Variants in FBF1 observed in about 807,000 individuals in gnomAD.
FBF1 encodes fas-binding factor 1.
Under a neutral mutation model 147.2 loss-of-function variants are expected in FBF1, and 119 were observed. The ratio of observed to expected loss-of-function variants is 0.81; its 90% CI spans 0.70 to 0.94. The LOEUF is 0.94. Ranked by LOEUF, FBF1 falls within the 40% of genes least tolerant of loss-of-function variation. The pLI, the probability that FBF1 is intolerant of heterozygous loss-of-function variation, is 0.00. For synonymous variants in FBF1, 601 were observed against 609.0 expected (o/e 0.99, Z 0.19); for missense variants, 1,449 against 1,500.8 (o/e 0.97, Z 0.57).
In FBF1 at chr17:75,940,155, G is replaced by A. The variant is rs549604162; in HGVS notation, c.-84+693C>T. Among the ~76,000 whole-genome samples the A allele has an allele frequency of 5.3e-5, 8 of 151,562 alleles. No homozygotes were observed. The South Asian group carries it at 1.7e-3, about 32-fold the overall frequency. On this transcript the variant is annotated intron_variant, in intron 1 of 29. Coordinates refer to ENST00000636174, the MANE Select transcript of FBF1 (RefSeq NM_001319193.2). Reference sequence around the variant, plus strand: ...GAGACGGGGTTTCACTGTTGGCCAGGAGGTCTCGAACTCCTGACCTCGTGA... The same window carrying A: ...GAGACGGGGTTTCACTGTTGGCCAGAAGGTCTCGAACTCCTGACCTCGTGA...
At chr17:75,929,964 C>CCCCCCCCCCAAAAAAA in intron 7 of FBF1, 33 bp downstream of exon 7, 2 of 1,402,198 alleles carry the variant, frequency 1.4e-6, no homozygotes, top group Non-Finnish European at 2.0e-6. Flanking sequence ...CACCCACCCC[C>CCCCCCCCCCAAAAAAA]AGTTCTAAGA....
In FBF1 at chr17:75,911,631, A is replaced by T. The variant is rs570223344; in HGVS notation, c.3363+561T>A. On this transcript the variant is annotated intron_variant, in intron 29 of 29. Transcript: ENST00000636174. The stretch of plus-strand genomic sequence containing the variant: ...CCTCCCGGGCTTAAGTGATCCTCTT[A>T]CCTCAGCCTCCGGAGTAGCTGGGAG... Among the ~76,000 whole-genome samples, 16 of 152,128 alleles carry T rather than the reference A, an allele frequency of 1.1e-4. No homozygotes were observed. In the South Asian group the frequency reaches 2.9e-3, roughly 28 times the overall value.
Position 75,910,506 on chromosome 17 carries a change from T to G in FBF1, c.*217A>C. On this transcript the variant is annotated 3_prime_UTR_variant, in exon 30 of 30. Coordinates refer to ENST00000636174, the MANE Select transcript of FBF1 (RefSeq NM_001319193.2). This position sits in a 1 kb window ranked among gnomAD's most constrained non-coding sequence, Gnocchi z 4.1. ...CTTTGGGGCAGGGCAGCCAAAGCCA[T>G]GGTAAGATAGCCTACACCACAGAGC... 3 of 537,294 alleles carry G rather than the reference T, an allele frequency of 5.6e-6. No individual in the cohort carries two copies. The highest frequency in any genetic ancestry group is 3.2e-5 in the East Asian group (1 of 31,190). 33.3% of individuals were successfully genotyped at this position (537,294 alleles called of 1,614,324 possible).
chr17:75,934,657 T>C (rs1290026337), intron 4 of FBF1, among the ~76,000 whole-genome samples: 1 of 151,454 alleles, frequency 6.6e-6, no homozygotes, highest in Non-Finnish European at 1.5e-5. Flanking sequence ...GATGGGTGGA[T>C]CACCTGAGGT....
chr17:75,910,275 G>C lies in FBF1; in HGVS notation c.*448C>G, dbSNP rs1599478234. ...GGCCCTTCTCCAGCTCATCAGGGAG[G>C]GAACTGCTCTGGCAGGGAGTAGGGA... On this transcript the variant is annotated 3_prime_UTR_variant, in exon 30 of 30. Coordinates refer to ENST00000636174, the MANE Select transcript of FBF1 (RefSeq NM_001319193.2). The surrounding 1 kb of genome is among the most constrained non-coding windows in gnomAD (Gnocchi z 4.1). The C allele has an allele frequency of 2.9e-6, 1 of 344,960 alleles. No homozygotes were observed. Among genetic ancestry groups the C allele is most frequent in the East Asian group, 7.3e-5 (1 of 13,754 alleles). 21.4% of individuals were successfully genotyped at this position (344,960 alleles called of 1,614,324 possible).
rs546113941 is a variant in FBF1 at position 75,918,386 on chromosome 17, G to A, written c.2139-117C>T. On this transcript the variant is annotated intron_variant, in intron 20 of 29. Coordinates refer to ENST00000636174, the MANE Select transcript of FBF1 (RefSeq NM_001319193.2). The surrounding 1 kb of genome is among the most constrained non-coding windows in gnomAD (Gnocchi z 5.8). The stretch of plus-strand genomic sequence containing the variant: ...CTTGCTCCCAGGCCTCTCCTCCGCC[G>A]GGCACTGCCTCAGTTTCCCCAGCTC... The A allele has an allele frequency of 1.2e-4, 92 of 763,662 alleles. No homozygotes were observed. In the East Asian group the frequency reaches 1.9e-3, roughly 15 times the overall value. 47.3% of individuals were successfully genotyped at this position (763,662 alleles called of 1,614,324 possible).
rs1231286886 is a variant in FBF1, at chr17:75,930,024, G to T, written c.252C>A (p.Asp84Glu). Residue 84 changes from aspartate to glutamate, a missense_variant, in exon 7 of 30, where the codon GAC becomes GAA. Asp to Glu is a conservative substitution (Grantham distance 45, BLOSUM62 2). Transcript: ENST00000636174. ...TCATGGCCTGGAGCAGAGCCTGTGG[G>T]TCTGCCTCTGAGATACCTGAAACCT... ...DAEVSGISEADPQALLQAMKD... is the reference protein window; with the variant it reads ...DAEVSGISEAEPQALLQAMKD... 1.9e-6 allele frequency: 3 copies of T among 1,569,940 alleles called. No individual in the cohort carries two copies. The African/African-American group carries it at 4.1e-5, about 21-fold the overall frequency.
At position 75,938,232 on chromosome 17, in the gene FBF1, C is replaced by T; in HGVS notation, c.-83G>A. On this transcript the variant is annotated splice_region_variant and 5_prime_UTR_variant, in exon 2 of 30. Transcript: ENST00000636174. Reference sequence around the variant, plus strand: ...TTCTGCCCACATCAGGCTCATACTCCCTAATGAAGAAAATTAAAGTGGTTG... The same window carrying T: ...TTCTGCCCACATCAGGCTCATACTCTCTAATGAAGAAAATTAAAGTGGTTG... 6.3e-7 allele frequency: 1 copy of T among 1,587,250 alleles called. No homozygotes were observed. The highest frequency in any genetic ancestry group is 8.6e-7 in the Non-Finnish European group (1 of 1,160,188).
chr17:75,929,945 A>ACCCCCCCCCCCCCCC, intron 7 of FBF1, 52 bp downstream of exon 7: 6 of 650,906 alleles, frequency 9.2e-6, no homozygotes, highest in East Asian at 2.8e-5. Flanking sequence ...AAATATCATG[A>ACCCCCCCCCCCCCCC]CCCCACCCCA....
Position 75,923,659 on chromosome 17 carries a change from G to A in FBF1, c.969-18C>T. On this transcript the variant is annotated intron_variant, in intron 13 of 29. Coordinates refer to ENST00000636174, the MANE Select transcript of FBF1 (RefSeq NM_001319193.2). The surrounding 1 kb of genome is among the most constrained non-coding windows in gnomAD (Gnocchi z 4.1). ...AGAACCTACTTCAAGACAGAAAGGA[G>A]GGTGTCAGGCAGGGGAAACAGCCAG... 7 of 1,569,454 alleles carry A rather than the reference G, an allele frequency of 4.5e-6. No homozygotes were observed. Among genetic ancestry groups the A allele is most frequent in the Non-Finnish European group, 6.1e-6 (7 of 1,156,496 alleles).
At chr17:75,926,695 C>G in intron 10 of FBF1, 63 bp downstream of exon 10, 1 of 1,562,370 alleles carries the variant, frequency 6.4e-7, no homozygotes, top group Non-Finnish European at 8.7e-7. Flanking sequence ...ACCAGAAAGG[C>G]TGGTTAGCTT....
rs994606756 is a variant in FBF1, at chr17:75,928,634, C to G, written c.280-441G>C. On this transcript the variant is annotated intron_variant, in intron 7 of 29. Transcript: ENST00000636174. The surrounding 1 kb of genome is among the most constrained non-coding windows in gnomAD (Gnocchi z 4.2). ...ACCATCCTGGCCAACATGATGAAAC[C>G]CTGTCTCTACAAAAAATACAAAAAT... Among the ~76,000 whole-genome samples the G allele has an allele frequency of 2.0e-5, 3 of 151,878 alleles. No individual in the cohort carries two copies. The highest frequency in any genetic ancestry group is 4.4e-5 in the Non-Finnish European group (3 of 68,000).
rs2065497978 is a variant in FBF1 at position 75,917,825 on chromosome 17, C to T, written c.2412G>A (p.Gln804=). The T allele has an allele frequency of 1.9e-6, 3 of 1,606,790 alleles. No individual in the cohort carries two copies. In the Admixed American group the frequency reaches 5.1e-5, roughly 27 times the overall value. The change falls in exon 23 of 30, where the codon CAG becomes CAA. Residue 804 remains glutamine (Q), a synonymous_variant. Coordinates refer to ENST00000636174, the MANE Select transcript of FBF1 (RefSeq NM_001319193.2). ...LRALQERLGQ[Q]QRDMEEERSR... ...TCCGCTCCTCCTCCATGTCCCGCTG[C>T]TGCTGGCCCAGCCGCTCCTGCAGTG...
chr17:75,931,325 C>A, intron 5 of FBF1, 36 bp from the exon 6 acceptor site: 1 of 1,552,086 alleles, frequency 6.4e-7, no homozygotes, highest in East Asian at 2.4e-5. Context: ...ACCTGCATCC[C>A]AGGGCACTGG....
rs572744048 is a variant in FBF1, at chr17:75,922,935, T to C, written c.1424+251A>G. 1.3e-5 allele frequency among the ~76,000 whole-genome samples: 2 copies of C among 152,318 alleles called. No individual in the cohort carries two copies. The highest frequency in any genetic ancestry group is 2.1e-4 in the South Asian group (1 of 4,824). On this transcript the variant is annotated intron_variant, in intron 14 of 29. Coordinates refer to ENST00000636174, the MANE Select transcript of FBF1 (RefSeq NM_001319193.2). The surrounding 1 kb of genome is among the most constrained non-coding windows in gnomAD (Gnocchi z 5.0). ...TCGATCAAGTTAGCACCTGTCCCCA[T>C]GGCGGTCAGGGCATGAATGTCAACA...
At position 75,919,783 on chromosome 17, in the gene FBF1, G is replaced by A; in HGVS notation, c.2023C>T (p.Gln675Ter). 6.2e-7 allele frequency: 1 copy of A among 1,613,696 alleles called. No individual in the cohort carries two copies. Among genetic ancestry groups the A allele is most frequent in the African/African-American group, 1.3e-5 (1 of 75,054 alleles). The change falls in exon 20 of 30, where the codon CAG (glutamine) becomes TAG (stop). Residue 675 changes from glutamine to a stop codon, truncating the protein, a stop_gained. Transcript: ENST00000636174. LOFTEE classifies it high-confidence loss of function. The surrounding 1 kb of genome is among the most constrained non-coding windows in gnomAD (Gnocchi z 5.0). ...CGGGCCTGTTCGGCCTCCTGGCACT[G>A]CGACAGATACCGAGCTGACAGCTCT... is the stretch of plus-strand genomic sequence containing the variant. ...NEELSARYLS[Q>*]CQEAEQARAE...
At chr17:75,929,933 CAA>C (rs1393133048) in intron 7 of FBF1, 62 bp downstream of exon 7, 2 of 1,228,388 alleles carry the variant, frequency 1.6e-6, no homozygotes, top group Non-Finnish European at 2.3e-6. Context: ...AGCTTTGGTA[CAA>C]AATATCATGA....
chr17:75,936,809 A>G (rs2065627996), intron 3 of FBF1, among the ~76,000 whole-genome samples: 1 of 152,196 alleles, frequency 6.6e-6, no homozygotes, highest in African/African-American at 2.4e-5. Flanking sequence ...AGCCCAGTGC[A>G]GCTCGCTGGG....
intron 17 of FBF1, among the ~76,000 whole-genome samples, chr17:75,920,961 G>A (rs962793771): frequency 4.6e-5 from 7 of 152,040 alleles, no homozygotes; most frequent in African/African-American, 1.7e-4. Context: ...AGGACCCTGC[G>A]GCCCTGCTTT....
Sources: gnomAD v4.1 joint callset for allele counts (sites outside exome capture counted in the v4.1 genomes callset) on GRCh38, gnomAD v4.1.1 for gene constraint, Gnocchi (gnomAD v3.1) non-coding constraint, MANE v1.5 for transcripts, NCBI Gene and HGNC (gene_info 2026-07-23, HGNC 2026-07-21) for gene names.